The following FAM200B variants were observed in gnomAD, a reference collection of about 807,000 sequenced individuals.
FAM200B encodes protein FAM200B.
In FAM200B, 32 loss-of-function variants were observed where a neutral mutation model predicts 33.1. The observed-to-expected ratio is 0.97, with a 90% CI of 0.73 to 1.30. The LOEUF (loss-of-function observed/expected upper bound fraction) is 1.30, where lower values mean the gene tolerates loss of function less well. FAM200B is among the 50% of genes most tolerant of loss of function. FAM200B has a pLI of 0.00. For missense variants in FAM200B, 741 were observed against 754.0 expected (o/e 0.98, Z 0.20); for synonymous variants, 240 against 264.8 (o/e 0.91, Z 0.91).
At chr4:15,655,800 C>T in the FAM200B span, among the ~76,000 whole-genome samples, 2 of 152,178 alleles carry the variant, frequency 1.3e-5, no homozygotes, top group African/African-American at 4.8e-5. Flanking sequence ...TCCGGAGCTG[C>T]CCTTCGCCTC....
chr4:15,642,074 A>G, the FAM200B span, among the ~76,000 whole-genome samples: 1 of 151,992 alleles, frequency 6.6e-6, no homozygotes. Context: ...ATATATATCA[A>G]TATCAACACT....
chr4:15,677,165 T>C (rs751220090), upstream of FAM200B, among the ~76,000 whole-genome samples: 2 of 152,200 alleles, frequency 1.3e-5, no homozygotes, highest in Admixed American at 1.3e-4. Context: ...AGGAAATATA[T>C]TCACAAAGGA....
At chr4:15,646,026 AC>A in the FAM200B span, among the ~76,000 whole-genome samples, 1 of 152,228 alleles carries the variant, frequency 6.6e-6, no homozygotes, top group East Asian at 1.9e-4. Context: ...TAACTGCAAT[AC>A]ATAAGTAAAT....
chr4:15,684,682 A>G (rs756561087), intron 1 of FAM200B: 1 of 152,250 alleles, frequency 6.6e-6, no homozygotes, highest in Non-Finnish European at 1.5e-5. Flanking sequence ...CTTATGCATT[A>G]GAAAGAGATC....
chr4:15,655,220 C>A, the FAM200B span: 1 of 1,434,992 alleles, frequency 7.0e-7, no homozygotes, highest in Non-Finnish European at 9.3e-7. Flanking sequence ...GCAGTAGAGC[C>A]CCACCAGCTG....
the FAM200B span, among the ~76,000 whole-genome samples, chr4:15,674,500 C>A: frequency 6.6e-6 from 1 of 152,016 alleles, no homozygotes. Flanking sequence ...CTCCATTTTA[C>A]GTTTATATAT....
the FAM200B span, among the ~76,000 whole-genome samples, chr4:15,657,078 CCTT>C: frequency 2.6e-5 from 4 of 152,306 alleles, no homozygotes; most frequent in African/African-American, 9.6e-5. Context: ...CTCTCTTCCT[CCTT>C]CTCCCTTTCA....
Position 15,687,082 on chromosome 4 carries a change from T to G in FAM200B, c.105T>G (p.Ile35Met). ...CTGGAATTGTGAATAGTGACAATATTGAGAAAAATACTGACTCCAATCTGC... is the reference window on the plus strand; with the variant it reads ...CTGGAATTGTGAATAGTGACAATATGGAGAAAAATACTGACTCCAATCTGC... Reference protein sequence around the residue: ...VESGIVNSDNIEKNTDSNLQT... With the variant: ...VESGIVNSDNMEKNTDSNLQT... Residue 35 changes from isoleucine to methionine, a missense_variant, in exon 2 of 2, where the codon ATT (isoleucine) becomes ATG (methionine). Ile to Met is a conservative substitution (Grantham distance 10). Coordinates refer to ENST00000422728, the MANE Select transcript of FAM200B (RefSeq NM_001145191.2). The G allele has an allele frequency of 7.8e-6, 12 of 1,547,098 alleles. No individual in the cohort carries two copies. Among genetic ancestry groups the G allele is most frequent in the Non-Finnish European group, 9.6e-6 (11 of 1,144,706 alleles).
intron 1 of FAM200B, among the ~76,000 whole-genome samples, chr4:15,685,941 G>A (rs541373845): frequency 3.7e-4 from 57 of 152,276 alleles, no homozygotes; most frequent in African/African-American, 1.1e-3. Flanking sequence ...AGTATGTATG[G>A]TGAATAAGCT....
At chr4:15,641,071 G>A in the FAM200B span, among the ~76,000 whole-genome samples, 1 of 152,032 alleles carries the variant, frequency 6.6e-6, no homozygotes, top group Non-Finnish European at 1.5e-5. Flanking sequence ...CTTTAGTAAT[G>A]TATGTAACCC....
At position 15,689,268 on chromosome 4, in the gene FAM200B, G is replaced by T. The variant is rs941113050; in HGVS notation, c.*317G>T. Reference sequence around the variant, plus strand: ...TTATAATATTTAGAAGCTATTAAGTGCTATGGAAAGAGTAGTAAGAAGGAA... The same window carrying T: ...TTATAATATTTAGAAGCTATTAAGTTCTATGGAAAGAGTAGTAAGAAGGAA... On this transcript the variant is annotated 3_prime_UTR_variant, in exon 2 of 2. Transcript: ENST00000422728. 1 of 193,252 alleles carries T rather than the reference G, an allele frequency of 5.2e-6. No individual in the cohort carries two copies. The highest frequency in any genetic ancestry group is 2.3e-5 in the African/African-American group (1 of 42,608). 12.0% of individuals were successfully genotyped at this position (193,252 alleles called of 1,614,324 possible).
intron 1 of FAM200B, among the ~76,000 whole-genome samples, chr4:15,685,873 G>A (rs1021510916): frequency 2.0e-5 from 3 of 152,156 alleles, no homozygotes; most frequent in Admixed American, 1.3e-4. Flanking sequence ...ATCCAAGAGA[G>A]CAGTGCAGCA....
At chr4:15,645,589 G>A in the FAM200B span, among the ~76,000 whole-genome samples, 54 of 152,062 alleles carry the variant, frequency 3.6e-4, no homozygotes, top group African/African-American at 1.1e-3. Context: ...CACCACGCCC[G>A]GCTAATTTTT....
At position 15,687,371 on chromosome 4, in the gene FAM200B, T is replaced by C. The variant is rs1322484850; in HGVS notation, c.394T>C (p.Ser132Pro). Residue 132 changes from serine (S) to proline (P), a missense_variant, in exon 2 of 2, where the codon TCA becomes CCA. Physicochemically the swap from Ser to Pro is moderately conservative, Grantham distance 74. Coordinates refer to ENST00000422728, the MANE Select transcript of FAM200B (RefSeq NM_001145191.2). ...FQRKKKDIKL[S>P]TQFLSCSTAV... ...AAGAAAGAAAAAAGACATAAAGTTATCAACACAATTTCTTAGTTGTTCTAC... is the reference window on the plus strand; with the variant it reads ...AAGAAAGAAAAAAGACATAAAGTTACCAACACAATTTCTTAGTTGTTCTAC... 2 of 1,547,054 alleles carry C rather than the reference T, an allele frequency of 1.3e-6. No homozygotes were observed. The highest frequency in any genetic ancestry group is 4.0e-5 in the Admixed American group (2 of 50,570).
the FAM200B span, chr4:15,638,683 G>C: frequency 6.3e-7 from 1 of 1,592,906 alleles, no homozygotes; most frequent in Non-Finnish European, 8.5e-7. Context: ...CCATTAACAT[G>C]GGCTGAAAAA....
At chr4:15,656,027 G>A in the FAM200B span, among the ~76,000 whole-genome samples, 13 of 152,360 alleles carry the variant, frequency 8.5e-5, no homozygotes, top group African/African-American at 2.9e-4. Flanking sequence ...AAATTCGGGA[G>A]ACTCAACGTG....
the FAM200B span, among the ~76,000 whole-genome samples, chr4:15,653,536 T>C: frequency 8.5e-5 from 13 of 152,192 alleles, no homozygotes; most frequent in Middle Eastern, 3.4e-3. Flanking sequence ...ACGCACAAAA[T>C]TTTCCATATA....
chr4:15,639,107 C>T, the FAM200B span, among the ~76,000 whole-genome samples: 3 of 151,912 alleles, frequency 2.0e-5, no homozygotes, highest in African/African-American at 4.8e-5. Context: ...GAGGTTGCGG[C>T]GAGCCGATAT....
chr4:15,662,970 G>A, the FAM200B span, among the ~76,000 whole-genome samples: 3 of 152,174 alleles, frequency 2.0e-5, no homozygotes, highest in Non-Finnish European at 4.4e-5. Flanking sequence ...TATTGACCTA[G>A]TGTGCAGGGT....
Sources: allele counts gnomAD v4.1 joint callset (sites outside exome capture counted in the v4.1 genomes callset), GRCh38; gene constraint gnomAD v4.1.1; transcripts MANE v1.5; gene names NCBI Gene and HGNC (gene_info 2026-07-23, HGNC 2026-07-21).